Variants in CACNG2 observed in about 807,000 individuals in gnomAD.
CACNG2 encodes the protein voltage-dependent calcium channel gamma-2 subunit.
In CACNG2, 3 loss-of-function variants were observed where a neutral mutation model predicts 25.9. That is an observed-to-expected ratio of 0.12 (90% confidence interval 0.05 to 0.30). The LOEUF is 0.30. CACNG2 is among the 10% of genes least tolerant of loss of function. The pLI, the probability that CACNG2 is intolerant of heterozygous loss-of-function variation, is 1.00. For synonymous variants in CACNG2, 167 were observed against 173.3 expected, an observed-to-expected ratio of 0.96 and a Z score of 0.29; for missense variants, 341 against 432.5, an observed-to-expected ratio of 0.79 and a Z score of 1.88.
chr22:36,597,798 T>G lies in CACNG2; in HGVS notation c.212-10250A>C, dbSNP rs1253309819. 2.6e-5 allele frequency among the ~76,000 whole-genome samples: 4 copies of G among 152,142 alleles called. No individual in the cohort carries two copies. The South Asian group carries it at 6.2e-4, about 24-fold the overall frequency. On this transcript the variant is annotated intron_variant, in intron 1 of 3. Transcript: ENST00000300105. Reference sequence around the variant, plus strand: ...GTGGCCTGAGACTCTGTATTTCTCATGAGCTTGCAGGAAGTGCCCACGCTG... The same window carrying G: ...GTGGCCTGAGACTCTGTATTTCTCAGGAGCTTGCAGGAAGTGCCCACGCTG...
At chr22:36,643,518 A>G (rs941057378) in intron 1 of CACNG2, among the ~76,000 whole-genome samples, 1 of 150,898 alleles carries the variant, frequency 6.6e-6, no homozygotes, top group Non-Finnish European at 1.5e-5. Context: ...CTATCTATCT[A>G]TCTATCCATC....
chr22:36,612,812 C>A (rs765596852), intron 1 of CACNG2, among the ~76,000 whole-genome samples: 1 of 152,220 alleles, frequency 6.6e-6, no homozygotes, highest in Non-Finnish European at 1.5e-5. Context: ...AATGAGAGAA[C>A]CCAGACCAAA....
At position 36,702,394 on chromosome 22, in the gene CACNG2, G is replaced by A. The variant is rs769797734; in HGVS notation, c.183C>T (p.Ser61=). The change falls in exon 1 of 4, where the codon TCC becomes TCT. Residue 61 remains serine (S), a synonymous_variant. Coordinates refer to ENST00000300105, the MANE Select transcript of CACNG2 (RefSeq NM_006078.5). ...SKKNEEVMTH[S]GLWRTCCLEG... is the part of the protein sequence containing the mutation. ...CTAGGCAGCAGGTTCTCCATAATCC[G>A]GAATGGGTCATAACTTCCTCGTTCT... 13 of 1,613,880 alleles carry A rather than the reference G, an allele frequency of 8.1e-6. No homozygotes were observed. The highest frequency in any genetic ancestry group is 4.0e-5 in the African/African-American group (3 of 74,880).
chr22:36,659,512 G>A (rs1367047832), intron 1 of CACNG2, among the ~76,000 whole-genome samples: 4 of 152,072 alleles, frequency 2.6e-5, no homozygotes, highest in African/African-American at 9.7e-5. Flanking sequence ...AATCCAGGAA[G>A]GGTATGCCGT....
chr22:36,599,262 A>G (rs1182767492), intron 1 of CACNG2, among the ~76,000 whole-genome samples: 1 of 110,314 alleles, frequency 9.1e-6, no homozygotes, highest in Non-Finnish European at 2.2e-5. Context: ...ATAACACTGG[A>G]CAGAAAAAAA....
intron 1 of CACNG2, among the ~76,000 whole-genome samples, chr22:36,653,571 C>T (rs1304750264): frequency 7.7e-6 from 1 of 129,168 alleles, no homozygotes; most frequent in East Asian, 1.9e-4. Flanking sequence ...ACACCAGAGG[C>T]TGTGGTGTCC....
At chr22:36,611,637 G>A (rs1270646110) in intron 1 of CACNG2, among the ~76,000 whole-genome samples, 1 of 152,156 alleles carries the variant, frequency 6.6e-6, no homozygotes, top group Non-Finnish European at 1.5e-5. Flanking sequence ...TCTGCCCACT[G>A]CTTTGGTCCC....
chr22:36,603,657 A>C (rs1421809479), intron 1 of CACNG2, among the ~76,000 whole-genome samples: 3 of 152,228 alleles, frequency 2.0e-5, no homozygotes, highest in Non-Finnish European at 4.4e-5. Context: ...GCCCTTAAGA[A>C]GTATGCTAAA....
chr22:36,616,704 T>C (rs1936026757), intron 1 of CACNG2, among the ~76,000 whole-genome samples: 1 of 152,176 alleles, frequency 6.6e-6, no homozygotes, highest in African/African-American at 2.4e-5. Flanking sequence ...CCTGCTTGCT[T>C]GGCTCATAAA....
At chr22:36,664,249 C>T (rs1037362931) in intron 1 of CACNG2, among the ~76,000 whole-genome samples, 7 of 152,256 alleles carry the variant, frequency 4.6e-5, no homozygotes, top group Non-Finnish European at 7.4e-5. Context: ...CATACACACA[C>T]GCACAGAATG....
chr22:36,661,833 G>C (rs1021694728), intron 1 of CACNG2, among the ~76,000 whole-genome samples: 10 of 152,068 alleles, frequency 6.6e-5, no homozygotes, highest in Non-Finnish European at 1.5e-4. Context: ...TGGAACCTTG[G>C]CCAAGCCTCT....
chr22:36,633,912 G>A (rs1394717739), intron 1 of CACNG2, among the ~76,000 whole-genome samples: 1 of 152,074 alleles, frequency 6.6e-6, no homozygotes, highest in Admixed American at 6.6e-5. Flanking sequence ...GTTTGGAATT[G>A]GGTTATACAT....
chr22:36,570,502 G>A (rs370585269), intron 2 of CACNG2, among the ~76,000 whole-genome samples: 8 of 152,200 alleles, frequency 5.3e-5, no homozygotes, highest in African/African-American at 1.9e-4. Context: ...GCTCACGCCT[G>A]TAATCCCAGC....
At position 36,610,887 on chromosome 22, in the gene CACNG2, G is replaced by C. The variant is rs376560107; in HGVS notation, c.212-23339C>G. Among the ~76,000 whole-genome samples, 9 of 152,322 alleles carry C rather than the reference G, an allele frequency of 5.9e-5. 1 individual carries two copies. The highest frequency in any genetic ancestry group is 2.2e-4 in the African/African-American group (9 of 41,584). ...ACCCTCGCTTAGGAAGAGTGGGCAC[G>C]GGGAAGACCCCCAAGGCTACTCCCC... On this transcript the variant is annotated intron_variant, in intron 1 of 3. Transcript: ENST00000300105.
chr22:36,678,148 T>C (rs1364870641), intron 1 of CACNG2, among the ~76,000 whole-genome samples: 1 of 152,286 alleles, frequency 6.6e-6, no homozygotes, highest in South Asian at 2.1e-4. Flanking sequence ...GCATTCTAGG[T>C]AAAATGAGGC....
chr22:36,591,804 G>A (rs904854525), intron 1 of CACNG2, among the ~76,000 whole-genome samples: 2 of 152,144 alleles, frequency 1.3e-5, no homozygotes, highest in Non-Finnish European at 2.9e-5. Flanking sequence ...GTGGTGCTGT[G>A]CCAGGAGGGA....
At position 36,697,650 on chromosome 22, in the gene CACNG2, C is replaced by T. The variant is rs150313064; in HGVS notation, c.211+4716G>A. Among the ~76,000 whole-genome samples the T allele has an allele frequency of 9.9e-5, 15 of 152,236 alleles. No homozygotes were observed. The East Asian group carries it at 1.5e-3, about 16-fold the overall frequency. ...GTAGAGGAGCCGGGTTTGGCTAACA[C>T]GGTGAGAATGGCTAGGAATGCAAGG... On this transcript the variant is annotated intron_variant, in intron 1 of 3. Coordinates refer to ENST00000300105, the MANE Select transcript of CACNG2 (RefSeq NM_006078.5).
chr22:36,656,966 G>C (rs906272744), intron 1 of CACNG2, among the ~76,000 whole-genome samples: 1 of 152,152 alleles, frequency 6.6e-6, no homozygotes, highest in Admixed American at 6.5e-5. Context: ...AGTAGAATGA[G>C]GGCCCTTCAT....
At chr22:36,683,223 A>G (rs1937149883) in intron 1 of CACNG2, among the ~76,000 whole-genome samples, 2 of 152,380 alleles carry the variant, frequency 1.3e-5, no homozygotes. Context: ...GTGTTAATTC[A>G]TTCAACTGTA....
Sources: allele counts gnomAD v4.1 joint callset (sites outside exome capture counted in the v4.1 genomes callset), GRCh38; gene constraint gnomAD v4.1.1; transcripts MANE v1.5; gene names NCBI Gene and HGNC (gene_info 2026-07-23, HGNC 2026-07-21).